PRKCB: variants seen among roughly 807,000 people sequenced by gnomAD.
The protein encoded by PRKCB is protein kinase C beta type.
In PRKCB, 13 loss-of-function variants were observed where a neutral mutation model predicts 81.5. The ratio of observed to expected loss-of-function variants is 0.16; its 90% CI spans 0.10 to 0.25. PRKCB has a LOEUF of 0.25. Among genes scored for constraint, PRKCB ranks in the 10% least tolerant of loss-of-function variants. The pLI, the probability that PRKCB is intolerant of heterozygous loss-of-function variation, is 1.00. For missense variants in PRKCB, 509 were observed against 875.7 expected, an observed-to-expected ratio of 0.58 and a Z score of 5.29; for synonymous variants, 335 against 321.4, an observed-to-expected ratio of 1.04 and a Z score of -0.45.
chr16:23,963,539 G>T (rs1469955130), intron 2 of PRKCB, among the ~76,000 whole-genome samples: 3 of 152,190 alleles, frequency 2.0e-5, no homozygotes, highest in Non-Finnish European at 4.4e-5. Flanking sequence ...AGCCTTTGAT[G>T]TTTCCCTTGC....
chr16:23,873,205 A>G (rs1333225292), intron 2 of PRKCB, among the ~76,000 whole-genome samples: 3 of 113,568 alleles, frequency 2.6e-5, no homozygotes, highest in Non-Finnish European at 6.1e-5. Flanking sequence ...AAAAAAAAAA[A>G]AAAAGAAAAA....
chr16:23,954,183 A>T (rs1361821564), intron 2 of PRKCB, among the ~76,000 whole-genome samples: 1 of 152,080 alleles, frequency 6.6e-6, no homozygotes, highest in Non-Finnish European at 1.5e-5. Context: ...TCCTGACCTC[A>T]GGTGATCTGC....
At chr16:23,948,622 G>A (rs1964235563) in intron 2 of PRKCB, among the ~76,000 whole-genome samples, 1 of 152,072 alleles carries the variant, frequency 6.6e-6, no homozygotes, top group African/African-American at 2.4e-5. Flanking sequence ...GGCCAGGCTG[G>A]TCTCAAACTC....
chr16:24,185,390 C>A, intron 14 of PRKCB, 70 bp from the exon 15 acceptor site: 1 of 1,422,868 alleles, frequency 7.0e-7, no homozygotes, highest in Non-Finnish European at 9.8e-7. Context: ...GGAGGGTCTG[C>A]CAGTTGAGGG....
chr16:23,969,803 T>C (rs954813420), intron 2 of PRKCB, among the ~76,000 whole-genome samples: 7 of 152,194 alleles, frequency 4.6e-5, no homozygotes, highest in Non-Finnish European at 7.3e-5. Context: ...GGGAACTTCA[T>C]TGATCATACC....
chr16:24,166,173 C>T (rs894827645), intron 10 of PRKCB, among the ~76,000 whole-genome samples: 1 of 152,112 alleles, frequency 6.6e-6, no homozygotes, highest in African/African-American at 2.4e-5. Context: ...GGAGCCACTG[C>T]ACCCGGTCCA....
chr16:23,844,842 C>A (rs1408995857), intron 2 of PRKCB, among the ~76,000 whole-genome samples: 1 of 151,818 alleles, frequency 6.6e-6, no homozygotes, highest in Non-Finnish European at 1.5e-5. Context: ...CACTCTTTCG[C>A]CCAGGCTGGA....
At chr16:23,928,017 C>T (rs577008595) in intron 2 of PRKCB, among the ~76,000 whole-genome samples, 3 of 152,104 alleles carry the variant, frequency 2.0e-5, no homozygotes, top group Admixed American at 2.0e-4. Flanking sequence ...CATGTAGATT[C>T]AGGCGAGAAG....
intron 9 of PRKCB, among the ~76,000 whole-genome samples, chr16:24,143,815 A>C (rs969025301): frequency 6.6e-6 from 1 of 152,178 alleles, no homozygotes; most frequent in African/African-American, 2.4e-5. Context: ...ATCTGAATTC[A>C]AGTTAGAATC....
At chr16:24,116,420 T>TA (rs1440590857) in intron 8 of PRKCB, among the ~76,000 whole-genome samples, 1 of 151,616 alleles carries the variant, frequency 6.6e-6, no homozygotes, top group Admixed American at 6.6e-5. Flanking sequence ...TAAAAAAAAA[T>TA]AAAAAAAGAA....
chr16:24,072,431 A>G (rs193279314), intron 5 of PRKCB, among the ~76,000 whole-genome samples: 137 of 151,776 alleles, frequency 9.0e-4, no homozygotes, highest in African/African-American at 3.2e-3. Context: ...CCATGCTCAG[A>G]TAATTATTAT....
intron 2 of PRKCB, among the ~76,000 whole-genome samples, chr16:23,844,516 CT>C (rs962538251): frequency 6.6e-6 from 1 of 152,036 alleles, no homozygotes; most frequent in South Asian, 2.1e-4. Context: ...TCTAAAAGTT[CT>C]TTTTTTTGAG....
chr16:24,028,396 C>T (rs1011994394), intron 3 of PRKCB, among the ~76,000 whole-genome samples: 1 of 152,176 alleles, frequency 6.6e-6, no homozygotes, highest in African/African-American at 2.4e-5. Context: ...GCCACAAATT[C>T]ACTTTTAAAA....
At chr16:23,847,767 T>C (rs149432985) in intron 2 of PRKCB, among the ~76,000 whole-genome samples, 2 of 152,286 alleles carry the variant, frequency 1.3e-5, no homozygotes, top group African/African-American at 2.4e-5. Context: ...TTGTATAATG[T>C]CAGGTTGCCA....
chr16:23,857,528 G>A (rs1962589950), intron 2 of PRKCB, among the ~76,000 whole-genome samples: 1 of 152,168 alleles, frequency 6.6e-6, no homozygotes, highest in African/African-American at 2.4e-5. Flanking sequence ...GTTCTCTGGT[G>A]TGCCTGATAG....
At chr16:23,978,214 A>T (rs1189755491) in intron 2 of PRKCB, among the ~76,000 whole-genome samples, 3 of 152,210 alleles carry the variant, frequency 2.0e-5, no homozygotes, top group African/African-American at 7.2e-5. Flanking sequence ...TGGACCAGTG[A>T]ACCCAGGGCC....
At chr16:23,857,717 A>T (rs537434917) in intron 2 of PRKCB, among the ~76,000 whole-genome samples, 44 of 149,464 alleles carry the variant, frequency 2.9e-4, no homozygotes, top group African/African-American at 6.4e-4. Context: ...AGAGAGAGAG[A>T]GTGTGTGTGT....
At chr16:23,857,699 T>C (rs978217606) in intron 2 of PRKCB, among the ~76,000 whole-genome samples, 5 of 150,572 alleles carry the variant, frequency 3.3e-5, no homozygotes, top group Admixed American at 6.6e-5. Context: ...TGCTTGAGGA[T>C]GTGAGAGAGA....
At chr16:24,029,304 C>G (rs1326995436) in intron 3 of PRKCB, among the ~76,000 whole-genome samples, 1 of 152,114 alleles carries the variant, frequency 6.6e-6, no homozygotes, top group African/African-American at 2.4e-5. Context: ...AGGGAGAGAC[C>G]AGGTGGAGGC....
Sources: allele counts gnomAD v4.1 joint callset (sites outside exome capture counted in the v4.1 genomes callset), GRCh38; gene constraint gnomAD v4.1.1; transcripts MANE v1.5; gene names NCBI Gene and HGNC (gene_info 2026-07-23, HGNC 2026-07-21).